SETD1A: variants seen among roughly 807,000 people sequenced by gnomAD.
SETD1A encodes histone-lysine N-methyltransferase SETD1A.
SETD1A carries 29 observed loss-of-function variants against 149.9 expected under a neutral mutation model. The observed-to-expected ratio is 0.19, with a 90% confidence interval of 0.14 to 0.26. SETD1A has a LOEUF of 0.26. Among genes scored for constraint, SETD1A ranks in the 10% least tolerant of loss-of-function variants. The pLI is 1.00. For synonymous variants in SETD1A, 1,141 were observed against 968.5 expected (o/e 1.18, Z -3.31); for missense variants, 2,109 against 2,353.1 (o/e 0.90, Z 2.15).
intron 13 of SETD1A, 35 bp downstream of exon 13, chr16:30,971,754 G>T (rs759681307): frequency 4.0e-6 from 6 of 1,517,002 alleles, no homozygotes; most frequent in Admixed American, 2.2e-5. Context: ...AGATCGCTGT[G>T]TGTGTGAGAG....
At position 30,980,721 on chromosome 16, in the gene SETD1A, C is replaced by T. The variant is rs1348236592; in HGVS notation, c.4582-18C>T. 2 of 1,611,610 alleles carry T rather than the reference C, an allele frequency of 1.2e-6. No homozygotes were observed. The highest frequency in any genetic ancestry group is 1.7e-6 in the Non-Finnish European group (2 of 1,179,370). ...CTTCCCTGCCCTGCTCACCTCCTCC[C>T]TGCCGTGTGTCTCACAGGGGACGAA... On this transcript the variant is annotated intron_variant, in intron 15 of 18. Coordinates refer to ENST00000262519, the MANE Select transcript of SETD1A (RefSeq NM_014712.3). This position sits in a 1 kb window ranked among gnomAD's most constrained non-coding sequence, Gnocchi z 7.7.
In SETD1A at chr16:30,961,205, C is replaced by T. The variant is rs190915621; in HGVS notation, c.247-62C>T. ...CTTCATGGAGCTTGCTAAAGTTTCC[C>T]GAAGGACAAAGGAACAGTGGTCAGT... is the stretch of plus-strand genomic sequence containing the variant. On this transcript the variant is annotated intron_variant, in intron 3 of 18. Coordinates refer to ENST00000262519, the MANE Select transcript of SETD1A (RefSeq NM_014712.3). The surrounding 1 kb of genome is among the most constrained non-coding windows in gnomAD (Gnocchi z 4.0). 2,587 of 1,553,318 alleles carry T rather than the reference C, an allele frequency of 1.7e-3. 4 individuals are homozygous for T. The highest frequency in any genetic ancestry group is 2.1e-3 in the Non-Finnish European group (2,448 of 1,138,616).
In SETD1A at chr16:30,964,060, A is replaced by C. The variant is rs776158907; in HGVS notation, c.640-34A>C. Reference sequence around the variant, plus strand: ...CAGGTCTCAAGTGGTGTTTGAGCCCATTCCTCTCTCCTTGCCCTGCTCTGT... The same window carrying C: ...CAGGTCTCAAGTGGTGTTTGAGCCCCTTCCTCTCTCCTTGCCCTGCTCTGT... On this transcript the variant is annotated intron_variant, in intron 5 of 18. Transcript: ENST00000262519. 3.2e-6 allele frequency: 5 copies of C among 1,561,446 alleles called. No individual in the cohort carries two copies. The African/African-American group carries it at 6.8e-5, about 21-fold the overall frequency.
intron 9 of SETD1A, 149 bp downstream of exon 9, chr16:30,967,209 A>C (rs1596678486): frequency 3.0e-6 from 2 of 669,248 alleles, no homozygotes; most frequent in East Asian, 5.5e-5. Flanking sequence ...GCTGGAGTGC[A>C]GTGGCCTGAT....
In SETD1A at chr16:30,957,783, C is replaced by G. The variant is rs1286544038; in HGVS notation, c.-197C>G. On this transcript the variant is annotated 5_prime_UTR_variant, in exon 1 of 19. In the 5' UTR this introduces an upstream ATG that the reference lacks. Coordinates refer to ENST00000262519, the MANE Select transcript of SETD1A (RefSeq NM_014712.3). Reference sequence around the variant, plus strand: ...AGGTCCCGGGCCGCAGCATCTAGATCGTCGTGGCGAAGCCGACTCTCCGGG... The same window carrying G: ...AGGTCCCGGGCCGCAGCATCTAGATGGTCGTGGCGAAGCCGACTCTCCGGG... The G allele has an allele frequency of 6.6e-6, 1 of 152,192 alleles. No homozygotes were observed. The highest frequency in any genetic ancestry group is 1.5e-5 in the Non-Finnish European group (1 of 68,032). 9.4% of individuals were successfully genotyped at this position (152,192 alleles called of 1,614,324 possible). A position where few individuals can be genotyped will look rare whatever the true frequency, so the allele number is the denominator to read the frequency against.
At chr16:30,960,714 A>G (rs1385438013) in intron 3 of SETD1A, among the ~76,000 whole-genome samples, 1 of 94,112 alleles carries the variant, frequency 1.1e-5, no homozygotes, top group Non-Finnish European at 2.7e-5. Context: ...CAGTGTGTAC[A>G]TTTCTTTCTT....
Position 30,979,125 on chromosome 16 carries a change from C to T in SETD1A, c.3359-20C>T. 1 of 1,526,470 alleles carries T rather than the reference C, an allele frequency of 6.6e-7. No homozygotes were observed. The highest frequency in any genetic ancestry group is 1.3e-5 in the South Asian group (1 of 78,364). The allele number at this position is 1,526,470 out of a possible 1,614,324, so 94.6% of individuals were successfully genotyped here. A position where few individuals can be genotyped will look rare whatever the true frequency, so the allele number is the denominator to read the frequency against. ...TGGGTCTCCCTGACCTCCTTTCCTT[C>T]CTATGTGCTTCCTTCCCAGGCCCCA... On this transcript the variant is annotated intron_variant, in intron 13 of 18. Coordinates refer to ENST00000262519, the MANE Select transcript of SETD1A (RefSeq NM_014712.3).
In SETD1A at chr16:30,965,204, C is replaced by T. The variant is rs1335814405; in HGVS notation, c.1462C>T (p.Leu488=). The T allele has an allele frequency of 1.2e-6, 2 of 1,614,074 alleles. No homozygotes were observed. Among genetic ancestry groups the T allele is most frequent in the Non-Finnish European group, 8.5e-7 (1 of 1,180,060 alleles). The change falls in exon 7 of 19, where the codon CTG becomes TTG. Residue 488 remains leucine (L), a synonymous_variant. Transcript: ENST00000262519. Reference sequence around the variant, plus strand: ...TGTGCCCTTCGCCCAGCACAGCAGCCTGGATTCCCGCATCGAGATGCTGCT... The same window carrying T: ...TGTGCCCTTCGCCCAGCACAGCAGCTTGGATTCCCGCATCGAGATGCTGCT... ...ESVPFAQHSS[L]DSRIEMLLKE...
rs753785585 is a variant in SETD1A at position 30,969,317 on chromosome 16, A to G, written c.2783A>G (p.Glu928Gly). The G allele has an allele frequency of 2.5e-6, 4 of 1,613,900 alleles. No individual in the cohort carries two copies. Among genetic ancestry groups the G allele is most frequent in the South Asian group, 1.1e-5 (1 of 91,038 alleles). ...TCTGCTGGCCTAGACCCTGAACAAG[A>G]GAAGGAGGCTGGAGAGCCAGGACGT... ...AEEDEDDPEQ[E>G]KEAGEPGRPG... Residue 928 changes from glutamate (E) to glycine (G), a missense_variant, in exon 11 of 19, where the codon GAG becomes GGG. Glu to Gly is a moderately conservative substitution (Grantham distance 98). Coordinates refer to ENST00000262519, the MANE Select transcript of SETD1A (RefSeq NM_014712.3).
At chr16:30,959,275 A>G (rs2143450727) in intron 3 of SETD1A, 89 bp downstream of exon 3, 3 of 901,918 alleles carry the variant, frequency 3.3e-6, no homozygotes, top group East Asian at 2.4e-5. Flanking sequence ...AGGGTTTCCA[A>G]TGAAAGGATC....
rs763181070 is a variant in SETD1A, at chr16:30,980,727, T to G, written c.4582-12T>G. On this transcript the variant is annotated splice_polypyrimidine_tract_variant and intron_variant, in intron 15 of 18. Coordinates refer to ENST00000262519, the MANE Select transcript of SETD1A (RefSeq NM_014712.3). This position sits in a 1 kb window ranked among gnomAD's most constrained non-coding sequence, Gnocchi z 7.7. Reference sequence around the variant, plus strand: ...TGCCCTGCTCACCTCCTCCCTGCCGTGTGTCTCACAGGGGACGAACCGCGT... The same window carrying G: ...TGCCCTGCTCACCTCCTCCCTGCCGGGTGTCTCACAGGGGACGAACCGCGT... 1 of 1,611,954 alleles carries G rather than the reference T, an allele frequency of 6.2e-7. No homozygotes were observed. Among genetic ancestry groups the G allele is most frequent in the African/African-American group, 1.3e-5 (1 of 74,940 alleles).
In SETD1A at chr16:30,965,951, C is replaced by T. The variant is rs376963450; in HGVS notation, c.2070C>T (p.Leu690=). ...TGCAGACCCAGATGTTAACTCGGCTCCATCAGCTGCGGCAGGGCAAGGGAT... is the reference window on the plus strand; with the variant it reads ...TGCAGACCCAGATGTTAACTCGGCTTCATCAGCTGCGGCAGGGCAAGGGAT... ...FQMQTQMLTR[L]HQLRQGKGLI... Residue 690 remains leucine (L), a synonymous_variant, in exon 8 of 19, where the codon CTC becomes CTT. Coordinates refer to ENST00000262519, the MANE Select transcript of SETD1A (RefSeq NM_014712.3). 281 of 1,606,708 alleles carry T rather than the reference C, an allele frequency of 1.7e-4. 2 individuals are homozygous for T. In the Middle Eastern group the frequency reaches 3.8e-3, roughly 22 times the overall value.
rs2056332836 is a variant in SETD1A, at chr16:30,979,418, C to T, written c.3632C>T (p.Pro1211Leu). The T allele has an allele frequency of 6.2e-7, 1 of 1,610,494 alleles. No homozygotes were observed. Among genetic ancestry groups the T allele is most frequent in the South Asian group, 1.1e-5 (1 of 90,608 alleles). ...GTGGAGCGGACCATCCGCAACCTGC[C>T]CCTGGACCACGCATCTCTGGTCAAG... ...RGVERTIRNL[P>L]LDHASLVKSW... The change falls in exon 14 of 19, where the codon CCC becomes CTC. Residue 1211 changes from proline (P) to leucine (L), a missense_variant. Physicochemically the swap from Pro to Leu is moderately conservative, Grantham distance 98. Around this residue, in one of 8 missense-constraint regions of SETD1A, gnomAD observed 832 missense variants for 815.6 expected, o/e 1.02. Transcript: ENST00000262519.
In SETD1A at chr16:30,963,337, T is replaced by C. The variant is rs2056080277; in HGVS notation, c.518-96T>C. 6.6e-6 allele frequency: 8 copies of C among 1,213,594 alleles called. No homozygotes were observed. In the South Asian group the frequency reaches 1.2e-4, roughly 18 times the overall value. 75.2% of individuals were successfully genotyped at this position (1,213,594 alleles called of 1,614,324 possible). Reference sequence around the variant, plus strand: ...ATCCTGAAACCCAGATTCCAAGAAATTGTAGGAAACTTGAGGCCTGAGAAA... The same window carrying C: ...ATCCTGAAACCCAGATTCCAAGAAACTGTAGGAAACTTGAGGCCTGAGAAA... On this transcript the variant is annotated intron_variant, in intron 4 of 18. Coordinates refer to ENST00000262519, the MANE Select transcript of SETD1A (RefSeq NM_014712.3).
At position 30,980,855 on chromosome 16, in the gene SETD1A, G is replaced by T; in HGVS notation, c.4692+6G>T. The T allele has an allele frequency of 6.3e-7, 1 of 1,596,460 alleles. No homozygotes were observed. Among genetic ancestry groups the T allele is most frequent in the African/African-American group, 1.3e-5 (1 of 74,394 alleles). On this transcript the variant is annotated splice_donor_region_variant and intron_variant, in intron 16 of 18. Transcript: ENST00000262519. This position sits in a 1 kb window ranked among gnomAD's most constrained non-coding sequence, Gnocchi z 7.7. ...TGAAACTCAACCAGCTCAAGGTGAG[G>T]CTGGGCTGCAGGAGGGGCTGGGTGG...
rs1280164100 is a variant in SETD1A, at chr16:30,965,293, C to T, written c.1551C>T (p.Ser517=). ...ASDTEEEEEN[S]SMVLGARDTG... ...ACACAGAGGAGGAGGAAGAGAACAG[C>T]AGCATGGTCCTTGGGGCCAGAGATA... The change falls in exon 7 of 19, where the codon AGC becomes AGT. Residue 517 remains serine (S), a synonymous_variant. Transcript: ENST00000262519. 1 of 1,614,234 alleles carries T rather than the reference C, an allele frequency of 6.2e-7. No homozygotes were observed. The highest frequency in any genetic ancestry group is 8.5e-7 in the Non-Finnish European group (1 of 1,180,042).
chr16:30,961,510 A>G lies in SETD1A; in HGVS notation c.490A>G (p.Ile164Val), dbSNP rs139054516. 5 of 1,614,046 alleles carry G rather than the reference A, an allele frequency of 3.1e-6. No homozygotes were observed. In the East Asian group the frequency reaches 6.7e-5, roughly 22 times the overall value. The change falls in exon 4 of 19, where the codon ATC becomes GTC. Residue 164 changes from isoleucine (I) to valine (V), a missense_variant. Transcript: ENST00000262519. This position sits in a 1 kb window ranked among gnomAD's most constrained non-coding sequence, Gnocchi z 4.0. Reference sequence around the variant, plus strand: ...CCACCTTACCTCCGTCATGGGCAACATCATCCATGCCCAGCTTGACATCAA... The same window carrying G: ...CCACCTTACCTCCGTCATGGGCAACGTCATCCATGCCCAGCTTGACATCAA... The part of the protein sequence containing the change: ...NLHLTSVMGN[I>V]IHAQLDIKGQ...
intron 13 of SETD1A, 61 bp downstream of exon 13, chr16:30,971,780 T>C: frequency 6.7e-7 from 1 of 1,497,810 alleles, no homozygotes; most frequent in Non-Finnish European, 8.9e-7. Flanking sequence ...GAGAAAACAG[T>C]GGTGCTTGCA....
rs897859215 is a variant in SETD1A at position 30,965,266 on chromosome 16, T to A, written c.1524T>A (p.Ser508=). 2 of 1,614,078 alleles carry A rather than the reference T, an allele frequency of 1.2e-6. No individual in the cohort carries two copies. The highest frequency in any genetic ancestry group is 1.7e-6 in the Non-Finnish European group (2 of 1,180,040). ...GCTCCAAGTTTTCCTTCTTGGCCTCTGACACAGAGGAGGAGGAAGAGAACA... is the reference window on the plus strand; with the variant it reads ...GCTCCAAGTTTTCCTTCTTGGCCTCAGACACAGAGGAGGAGGAAGAGAACA... ...EQRSKFSFLA[S]DTEEEEENSS... is the part of the protein sequence containing the mutation. The change falls in exon 7 of 19, where the codon TCT becomes TCA. Residue 508 remains serine, a synonymous_variant. Transcript: ENST00000262519.
Sources: allele counts gnomAD v4.1 joint callset (sites outside exome capture counted in the v4.1 genomes callset), GRCh38; gene constraint gnomAD v4.1.1; regional missense constraint gnomAD v4.1.1; non-coding constraint Gnocchi (gnomAD v3.1); transcripts MANE v1.5; gene names NCBI Gene and HGNC (gene_info 2026-07-23, HGNC 2026-07-21).